Variants in SEC14L1 observed in about 807,000 individuals in gnomAD.
The protein encoded by SEC14L1 is SEC14-like protein 1.
SEC14L1 carries 48 observed loss-of-function variants against 85.3 expected under a neutral mutation model. The observed-to-expected ratio is 0.56, with a 90% confidence interval of 0.45 to 0.72. SEC14L1 has a LOEUF of 0.72. Ranked by LOEUF, SEC14L1 falls within the 30% of genes least tolerant of loss-of-function variation. SEC14L1 has a pLI of 0.00. For synonymous variants in SEC14L1, 391 were observed against 355.5 expected (o/e 1.10, Z -1.12); for missense variants, 682 against 921.4 (o/e 0.74, Z 3.36).
At chr17:77,148,394 G>A (rs148471203) in intron 3 of SEC14L1, among the ~76,000 whole-genome samples, 4 of 152,242 alleles carry the variant, frequency 2.6e-5, no homozygotes, top group African/African-American at 9.6e-5. Flanking sequence ...GGGAACACAC[G>A]ATAGAAGAGG....
rs1976797414 is a variant in SEC14L1 at position 77,212,286 on chromosome 17, C to G, written c.1863+85C>G. On this transcript the variant is annotated intron_variant, in intron 15 of 16. Transcript: ENST00000436233. Reference sequence around the variant, plus strand: ...TCTTGAGTAGACTCTTTGCTTCGCTCCTTGAGCAGCCCTGTGTAGCTTTTG... The same window carrying G: ...TCTTGAGTAGACTCTTTGCTTCGCTGCTTGAGCAGCCCTGTGTAGCTTTTG... 7 of 1,545,090 alleles carry G rather than the reference C, an allele frequency of 4.5e-6. No individual in the cohort carries two copies. In the East Asian group the frequency reaches 1.6e-4, roughly 35 times the overall value.
At chr17:77,180,511 T>G (rs981600525) in intron 3 of SEC14L1, among the ~76,000 whole-genome samples, 28 of 152,224 alleles carry the variant, frequency 1.8e-4, no homozygotes, top group African/African-American at 6.8e-4. Context: ...CTCCATCTCC[T>G]AGGCTCCCGC....
Position 77,214,953 on chromosome 17 carries a change from G to A in SEC14L1, c.*930G>A, listed in dbSNP as rs1162101077. On this transcript the variant is annotated 3_prime_UTR_variant, in exon 17 of 17. Transcript: ENST00000436233. ...CAAGTCGCATTTGCCACTTGACACT[G>A]TCCATGGGGTTTTATTAGTAGCTAA... 2.0e-6 allele frequency: 2 copies of A among 985,314 alleles called. No homozygotes were observed. The highest frequency in any genetic ancestry group is 2.4e-6 in the Non-Finnish European group (2 of 829,980). 61.0% of individuals were successfully genotyped at this position (985,314 alleles called of 1,614,324 possible).
rs993512357 is a variant in SEC14L1, at chr17:77,215,444, G to A, written c.*1421G>A. On this transcript the variant is annotated 3_prime_UTR_variant, in exon 17 of 17. Coordinates refer to ENST00000436233, the MANE Select transcript of SEC14L1 (RefSeq NM_001143998.2). Reference sequence around the variant, plus strand: ...TGGTAGGCATGGAGATCCTGGTTGTGCCGTCTCAGCTCCGCTCTGAAGGCA... The same window carrying A: ...TGGTAGGCATGGAGATCCTGGTTGTACCGTCTCAGCTCCGCTCTGAAGGCA... 3 of 985,402 alleles carry A rather than the reference G, an allele frequency of 3.0e-6. No homozygotes were observed. The highest frequency in any genetic ancestry group is 6.1e-5 in the Admixed American group (1 of 16,286). The allele number at this position is 985,402 out of a possible 1,614,324, so 61.0% of individuals were successfully genotyped here.
chr17:77,092,538 G>T (rs1971541789), intron 2 of SEC14L1, among the ~76,000 whole-genome samples: 3 of 152,090 alleles, frequency 2.0e-5, no homozygotes, highest in Non-Finnish European at 4.4e-5. Flanking sequence ...AAGTAAAGTT[G>T]GAATATGTAG....
chr17:77,163,719 G>A (rs985858157), intron 3 of SEC14L1, among the ~76,000 whole-genome samples: 7 of 152,146 alleles, frequency 4.6e-5, no homozygotes, highest in Non-Finnish European at 8.8e-5. Flanking sequence ...GGAGCGGCTC[G>A]CAGCGGGGCC....
intron 3 of SEC14L1, among the ~76,000 whole-genome samples, chr17:77,148,096 T>C (rs1973393552): frequency 6.6e-6 from 1 of 152,164 alleles, no homozygotes; most frequent in Non-Finnish European, 1.5e-5. Flanking sequence ...AAGCACAAAC[T>C]TTAAAAGTTA....
At chr17:77,180,843 A>G (rs759230761) in intron 3 of SEC14L1, among the ~76,000 whole-genome samples, 2 of 152,212 alleles carry the variant, frequency 1.3e-5, no homozygotes, top group African/African-American at 4.8e-5. Flanking sequence ...TAAATACCTT[A>G]TTAGGTATGA....
At chr17:77,172,436 A>G (rs1225111437) in intron 3 of SEC14L1, among the ~76,000 whole-genome samples, 2 of 151,966 alleles carry the variant, frequency 1.3e-5, no homozygotes, top group Non-Finnish European at 2.9e-5. Context: ...TATAGCCTTT[A>G]TATGGCCTGG....
At chr17:77,194,338 C>T (rs1025004325) in intron 6 of SEC14L1, among the ~76,000 whole-genome samples, 1 of 152,022 alleles carries the variant, frequency 6.6e-6, no homozygotes, top group Non-Finnish European at 1.5e-5. Context: ...ACAGATTGCT[C>T]GAGCCCAAGA....
intron 3 of SEC14L1, among the ~76,000 whole-genome samples, chr17:77,172,511 A>G (rs1455821823): frequency 2.0e-5 from 3 of 152,160 alleles, no homozygotes; most frequent in South Asian, 2.1e-4. Flanking sequence ...GGCGGACAGC[A>G]TGATCCTTGC....
intron 3 of SEC14L1, among the ~76,000 whole-genome samples, chr17:77,159,914 G>A (rs2143625010): frequency 6.6e-6 from 1 of 152,226 alleles, no homozygotes; most frequent in East Asian, 1.9e-4. Context: ...GGGAATGGAG[G>A]TGGTAGAGAA....
rs565393054 is a variant in SEC14L1 at position 77,149,826 on chromosome 17, G to A, written c.63+6167G>A. On this transcript the variant is annotated intron_variant, in intron 3 of 16. Transcript: ENST00000436233. ...AACCAGTGGGTCACCTGGGAGCAAA[G>A]CCCTTTTGTGATAAAGTTGGCTGAT... Among the ~76,000 whole-genome samples the A allele has an allele frequency of 2.0e-5, 3 of 151,210 alleles. No homozygotes were observed. The East Asian group carries it at 5.8e-4, about 29-fold the overall frequency.
At position 77,196,295 on chromosome 17, in the gene SEC14L1, A is replaced by C; in HGVS notation, c.803A>C (p.Glu268Ala). 1 of 1,612,800 alleles carries C rather than the reference A, an allele frequency of 6.2e-7. No homozygotes were observed. The highest frequency in any genetic ancestry group is 8.5e-7 in the Non-Finnish European group (1 of 1,178,868). ...CLIRLRQWLQ[E>A]THKGKIPKDE... ...ATTAGACTTCGCCAGTGGCTCCAGG[A>C]GACCCACAAGGGCAAAGTGAGTGTC... Residue 268 changes from glutamate to alanine, a missense_variant, in exon 8 of 17, where the codon GAG (glutamate) becomes GCG (alanine). Around this residue, in one of 3 missense-constraint regions of SEC14L1, gnomAD observed 420 missense variants for 619.5 expected, o/e 0.68. Coordinates refer to ENST00000436233, the MANE Select transcript of SEC14L1 (RefSeq NM_001143998.2).
At chr17:77,133,249 T>G (rs1044712169) in intron 3 of SEC14L1, among the ~76,000 whole-genome samples, 1 of 152,148 alleles carries the variant, frequency 6.6e-6, no homozygotes, top group Non-Finnish European at 1.5e-5. Flanking sequence ...AGGCCGAAAT[T>G]TCAGTGACTC....
chr17:77,202,597 G>A (rs369040756), intron 9 of SEC14L1, among the ~76,000 whole-genome samples: 8 of 151,444 alleles, frequency 5.3e-5, no homozygotes, highest in Non-Finnish European at 8.8e-5. Flanking sequence ...CCAGCCTGGC[G>A]ACAGAGCAAG....
At chr17:77,198,346 A>G (rs1027235739) in intron 8 of SEC14L1, among the ~76,000 whole-genome samples, 5 of 152,210 alleles carry the variant, frequency 3.3e-5, no homozygotes, top group Admixed American at 6.5e-5. Flanking sequence ...CCAATCTCCA[A>G]TAGGCTTTAA....
At chr17:77,136,003 G>C (rs935270915), upstream of SEC14L1, among the ~76,000 whole-genome samples, 1 of 151,932 alleles carries the variant, frequency 6.6e-6, no homozygotes, top group African/African-American at 2.4e-5. Context: ...CTCCTGAGTA[G>C]CTGGGACTAT....
chr17:77,119,922 T>C (rs909115856), intron 3 of SEC14L1, among the ~76,000 whole-genome samples: 5 of 152,206 alleles, frequency 3.3e-5, no homozygotes, highest in Non-Finnish European at 1.5e-5. Context: ...TTCGGGAATC[T>C]GACCTTTGGG....
Sources: gnomAD v4.1 joint callset for allele counts (sites outside exome capture counted in the v4.1 genomes callset) on GRCh38, gnomAD v4.1.1 for gene constraint, gnomAD v4.1.1 regional missense constraint, MANE v1.5 for transcripts, NCBI Gene and HGNC (gene_info 2026-07-23, HGNC 2026-07-21) for gene names.